Variants in SEC14L5 observed in about 807,000 individuals in gnomAD.
SEC14L5 encodes the protein SEC14-like protein 5.
Under a neutral mutation model 84.6 loss-of-function variants are expected in SEC14L5, and 96 were observed. That is an observed-to-expected ratio of 1.13 (90% CI 0.96 to 1.34). The LOEUF (loss-of-function observed/expected upper bound fraction) is 1.34. Among genes scored for constraint, SEC14L5 ranks in the 40% most tolerant of loss-of-function variants. The pLI is 0.00. For missense variants in SEC14L5, 1,224 were observed against 942.5 expected (o/e 1.30, Z -3.91); for synonymous variants, 546 against 383.4 (o/e 1.42, Z -4.95).
At chr16:4,982,220 C>T (rs1322056326) in intron 2 of SEC14L5, among the ~76,000 whole-genome samples, 1 of 152,110 alleles carries the variant, frequency 6.6e-6, no homozygotes, top group Non-Finnish European at 1.5e-5. Context: ...CCCCCCCTCC[C>T]CCCGCCTCTC....
intron 2 of SEC14L5, among the ~76,000 whole-genome samples, chr16:4,964,985 A>G (rs1955179329): frequency 6.8e-6 from 1 of 147,784 alleles, no homozygotes; most frequent in South Asian, 2.2e-4. Flanking sequence ...CCCACTTTGG[A>G]CTCCCAAAGT....
intron 8 of SEC14L5, among the ~76,000 whole-genome samples, chr16:4,998,827 T>C (rs1399591759): frequency 1.3e-5 from 2 of 151,616 alleles, no homozygotes; most frequent in Non-Finnish European, 2.9e-5. Context: ...CCGGCTGGCA[T>C]GGTTTCTCTT....
intron 1 of SEC14L5, 137 bp from the exon 2 acceptor site, chr16:4,959,136 G>C (rs534066718): frequency 1.6e-6 from 1 of 608,488 alleles, no homozygotes; most frequent in East Asian, 2.8e-5. Context: ...AGTAATTTGG[G>C]GGGAATATCA....
chr16:4,967,354 A>G (rs951231980), intron 2 of SEC14L5, among the ~76,000 whole-genome samples: 10 of 151,918 alleles, frequency 6.6e-5, no homozygotes, highest in South Asian at 6.2e-4. Context: ...TTATAAGGAC[A>G]CTCCAATGGC....
At chr16:4,998,816 A>G (rs1331481435) in intron 8 of SEC14L5, among the ~76,000 whole-genome samples, 1 of 151,710 alleles carries the variant, frequency 6.6e-6, no homozygotes, top group Non-Finnish European at 1.5e-5. Flanking sequence ...CTCCTAAAGA[A>G]CCGGCTGGCA....
intron 2 of SEC14L5, among the ~76,000 whole-genome samples, chr16:4,960,915 G>C (rs1955113128): frequency 6.6e-6 from 1 of 152,166 alleles, no homozygotes; most frequent in Admixed American, 6.6e-5. Flanking sequence ...CCAGGGACGT[G>C]AATTCAGATG....
chr16:4,998,432 G>T (rs1955637241), intron 8 of SEC14L5, among the ~76,000 whole-genome samples: 2 of 151,838 alleles, frequency 1.3e-5, no homozygotes, highest in Non-Finnish European at 2.9e-5. Context: ...ACTTTCCAAT[G>T]TCCTTTATCT....
At chr16:5,002,910 G>T (rs1036580549) in intron 10 of SEC14L5, among the ~76,000 whole-genome samples, 1 of 152,162 alleles carries the variant, frequency 6.6e-6, no homozygotes, top group Non-Finnish European at 1.5e-5. Context: ...GCCTGAGGTT[G>T]CAATGTTTTG....
In SEC14L5 at chr16:5,011,346, T is replaced by G. The variant is rs1955801021; in HGVS notation, c.1979+73T>G. On this transcript the variant is annotated intron_variant, in intron 15 of 15. Coordinates refer to ENST00000251170, the MANE Select transcript of SEC14L5 (RefSeq NM_014692.2). ...TGATTGACAATGCAGATGCCTGGCC[T>G]CCTGTCTCCCAGCTGGGTCAGCTTC... is the stretch of plus-strand genomic sequence containing the variant. The G allele has an allele frequency of 1.4e-6, 2 of 1,470,898 alleles. 1 individual carries two copies. The highest frequency in any genetic ancestry group is 3.7e-4 in the Middle Eastern group (2 of 5,474). The allele number at this position is 1,470,898 out of a possible 1,614,324, so 91.1% of individuals were successfully genotyped here.
intron 2 of SEC14L5, among the ~76,000 whole-genome samples, chr16:4,964,906 T>G (rs1232807058): frequency 6.6e-6 from 1 of 152,108 alleles, no homozygotes; most frequent in African/African-American, 2.4e-5. Flanking sequence ...AATGTTTGTA[T>G]TTTTAGTAGA....
intron 15 of SEC14L5, among the ~76,000 whole-genome samples, chr16:5,014,575 G>C (rs879735832): frequency 1.3e-5 from 2 of 152,244 alleles, no homozygotes; most frequent in Admixed American, 1.3e-4. Context: ...CTGGAGACAG[G>C]GCCGGGGACT....
At chr16:4,971,502 A>C (rs574780231) in intron 2 of SEC14L5, among the ~76,000 whole-genome samples, 130 of 152,214 alleles carry the variant, frequency 8.5e-4, no homozygotes, top group Non-Finnish European at 1.3e-3. Context: ...AAACTGGCAA[A>C]ACTCTCCCTC....
intron 2 of SEC14L5, among the ~76,000 whole-genome samples, chr16:4,967,675 C>A (rs547011898): frequency 7.0e-6 from 1 of 142,408 alleles, no homozygotes; most frequent in South Asian, 2.3e-4. Flanking sequence ...CAGGGTCAAG[C>A]GATTCTCCCA....
At chr16:4,990,724 C>A in intron 4 of SEC14L5, 43 bp from the exon 5 acceptor site, 2 of 1,565,586 alleles carry the variant, frequency 1.3e-6, no homozygotes, top group South Asian at 1.2e-5. Context: ...GGCAGGGTGC[C>A]CCCGACATTG....
intron 2 of SEC14L5, among the ~76,000 whole-genome samples, chr16:4,980,606 C>T (rs953296296): frequency 2.6e-5 from 4 of 152,098 alleles, no homozygotes; most frequent in South Asian, 2.1e-4. Flanking sequence ...AAGGGTGTGC[C>T]GAGGACCAAG....
intron 14 of SEC14L5, among the ~76,000 whole-genome samples, chr16:5,010,710 A>G (rs1410317895): frequency 6.6e-6 from 1 of 152,132 alleles, no homozygotes; most frequent in African/African-American, 2.4e-5. Flanking sequence ...TGATCCCTCC[A>G]CAAATTCTCT....
chr16:4,973,100 T>G (rs1406688753), intron 2 of SEC14L5, among the ~76,000 whole-genome samples: 2 of 152,220 alleles, frequency 1.3e-5, no homozygotes, highest in African/African-American at 4.8e-5. Flanking sequence ...GTCAGCATCC[T>G]TTTCCTCTTT....
chr16:4,978,836 C>T (rs567537978), intron 2 of SEC14L5, among the ~76,000 whole-genome samples: 3 of 152,224 alleles, frequency 2.0e-5, no homozygotes, highest in South Asian at 2.1e-4. Context: ...CGCTTGACCT[C>T]GTGATCTGCC....
chr16:4,962,602 C>A (rs1276829707), intron 2 of SEC14L5, among the ~76,000 whole-genome samples: 1 of 148,818 alleles, frequency 6.7e-6, no homozygotes, highest in Non-Finnish European at 1.5e-5. Flanking sequence ...AGAGGAGAAT[C>A]GCTTAAACCC....
Sources: allele counts gnomAD v4.1 joint callset (sites outside exome capture counted in the v4.1 genomes callset), GRCh38; gene constraint gnomAD v4.1.1; transcripts MANE v1.5; gene names NCBI Gene and HGNC (gene_info 2026-07-23, HGNC 2026-07-21).